The following RBMS3 variants were observed in gnomAD, a reference collection of about 807,000 sequenced individuals.
RBMS3 encodes the protein RNA-binding motif, single-stranded-interacting protein 3.
In RBMS3, 27 loss-of-function variants were observed where a neutral mutation model predicts 66.8. The ratio of observed to expected loss-of-function variants is 0.40; its 90% CI spans 0.30 to 0.56. RBMS3 has a LOEUF of 0.56. Ranked by LOEUF, RBMS3 falls within the 20% of genes least tolerant of loss-of-function variation. The pLI is 0.40. For synonymous variants in RBMS3, 188 were observed against 183.0 expected (o/e 1.03, Z -0.22); for missense variants, 513 against 549.5 (o/e 0.93, Z 0.66).
intron 4 of RBMS3, among the ~76,000 whole-genome samples, chr3:29,717,498 A>C (rs2053447852): frequency 6.6e-6 from 1 of 152,144 alleles, no homozygotes. Context: ...AACTGCTAGC[A>C]TTAAAATGAA....
chr3:29,428,164 A>C (rs1408347052), intron 1 of RBMS3, among the ~76,000 whole-genome samples: 1 of 152,128 alleles, frequency 6.6e-6, no homozygotes, highest in Admixed American at 6.6e-5. Flanking sequence ...TGGCCTTTCA[A>C]GAAGATGGTC....
intron 4 of RBMS3, among the ~76,000 whole-genome samples, chr3:29,719,688 G>T (rs1476368755): frequency 3.3e-5 from 5 of 152,096 alleles, no homozygotes. Flanking sequence ...AATAGTAGCT[G>T]TGGGCCAGGA....
chr3:29,480,060 G>A (rs944350028), intron 2 of RBMS3, among the ~76,000 whole-genome samples: 1 of 152,182 alleles, frequency 6.6e-6, no homozygotes, highest in African/African-American at 2.4e-5. Context: ...TGATCATTCA[G>A]CATACAAGGA....
At chr3:29,771,597 A>T (rs2581886) in intron 6 of RBMS3, among the ~76,000 whole-genome samples, 115,218 of 151,928 alleles carry the variant, frequency 0.76, 44,774 homozygotes, top group East Asian at 0.97. Context: ...GCTAATAAAC[A>T]GACCTTAAAA....
intron 4 of RBMS3, among the ~76,000 whole-genome samples, chr3:29,667,875 A>G (rs1471166144): frequency 6.6e-6 from 1 of 152,192 alleles, no homozygotes; most frequent in Non-Finnish European, 1.5e-5. Flanking sequence ...GTACAATTGT[A>G]ACACAAAACA....
At chr3:29,907,629 C>T (rs906911896) in intron 10 of RBMS3, among the ~76,000 whole-genome samples, 7 of 151,858 alleles carry the variant, frequency 4.6e-5, no homozygotes, top group East Asian at 3.9e-4. Context: ...AATATACTTC[C>T]GGATTATACT....
chr3:29,866,198 G>C (rs2059360976), intron 6 of RBMS3, among the ~76,000 whole-genome samples: 1 of 151,274 alleles, frequency 6.6e-6, no homozygotes, highest in African/African-American at 2.4e-5. Context: ...TCATTATCTT[G>C]ACAATGGTGA....
At chr3:29,944,504 A>G (rs188995197) in intron 12 of RBMS3, among the ~76,000 whole-genome samples, 1 of 151,776 alleles carries the variant, frequency 6.6e-6, no homozygotes, top group African/African-American at 2.4e-5. Flanking sequence ...TTATCTGTCA[A>G]GGATACACAG....
intron 1 of RBMS3, among the ~76,000 whole-genome samples, chr3:29,339,313 C>T (rs2036143009): frequency 6.6e-6 from 1 of 152,104 alleles, no homozygotes; most frequent in Admixed American, 6.6e-5. Flanking sequence ...ATCTTGGGGG[C>T]GGGAGCATTA....
chr3:29,547,727 A>G lies in RBMS3; in HGVS notation c.308-39387A>G, dbSNP rs181677706. 2.0e-5 allele frequency among the ~76,000 whole-genome samples: 3 copies of G among 152,012 alleles called. No homozygotes were observed. The East Asian group carries it at 5.8e-4, about 29-fold the overall frequency. On this transcript the variant is annotated intron_variant, in intron 3 of 14. Transcript: ENST00000383767. ...TTCATTTCTTAGTCCAAGTCTTCAG[A>G]GAATAGTCTGTACAGATCTGCTAGG...
chr3:29,362,802 G>A (rs1168241554), intron 1 of RBMS3, among the ~76,000 whole-genome samples: 3 of 152,188 alleles, frequency 2.0e-5, no homozygotes, highest in Non-Finnish European at 4.4e-5. Flanking sequence ...GACTATACTT[G>A]AGCTAATTAA....
intron 1 of RBMS3, among the ~76,000 whole-genome samples, chr3:29,367,551 A>G (rs958082913): frequency 6.6e-6 from 1 of 152,156 alleles, no homozygotes. Context: ...ATAATCAGAA[A>G]CACATAATAA....
chr3:29,486,055 C>T (rs1234352541), intron 2 of RBMS3, among the ~76,000 whole-genome samples: 1 of 151,976 alleles, frequency 6.6e-6, no homozygotes, highest in Non-Finnish European at 1.5e-5. Context: ...TACTAGTATA[C>T]TTTGATAAAA....
At chr3:29,986,761 G>A (rs1188020308) in intron 12 of RBMS3, among the ~76,000 whole-genome samples, 2 of 152,082 alleles carry the variant, frequency 1.3e-5, no homozygotes, top group Non-Finnish European at 2.9e-5. Context: ...TGGCCAATAT[G>A]GCAAAACCCT....
At chr3:29,868,810 T>C in intron 6 of RBMS3, 48 bp from the exon 7 acceptor site, 11 of 1,463,484 alleles carry the variant, frequency 7.5e-6, no homozygotes, top group Non-Finnish European at 1.0e-5. Context: ...AATCACTTAG[T>C]TTTTAAGGGG....
chr3:29,687,152 T>C (rs1367456983), intron 4 of RBMS3, among the ~76,000 whole-genome samples: 1 of 152,220 alleles, frequency 6.6e-6, no homozygotes, highest in Non-Finnish European at 1.5e-5. Flanking sequence ...GTCACACTTA[T>C]ACTTTTATGC....
chr3:29,598,845 T>A (rs1013905566), intron 4 of RBMS3, among the ~76,000 whole-genome samples: 4 of 152,084 alleles, frequency 2.6e-5, no homozygotes, highest in South Asian at 2.1e-4. Context: ...GATTTTTTTT[T>A]AAAAGGAACA....
At chr3:29,470,196 A>G (rs1040637596) in intron 2 of RBMS3, among the ~76,000 whole-genome samples, 3 of 151,846 alleles carry the variant, frequency 2.0e-5, no homozygotes, top group Admixed American at 1.3e-4. Flanking sequence ...TTTGCCTGTA[A>G]TGATGCGGAA....
chr3:29,444,623 G>A (rs1240710231), intron 2 of RBMS3, among the ~76,000 whole-genome samples: 1 of 151,788 alleles, frequency 6.6e-6, no homozygotes, highest in Non-Finnish European at 1.5e-5. Flanking sequence ...TACTTGCTGA[G>A]AAGTCAAGAA....
Sources: gnomAD v4.1 joint callset for allele counts (sites outside exome capture counted in the v4.1 genomes callset) on GRCh38, gnomAD v4.1.1 for gene constraint, MANE v1.5 for transcripts, NCBI Gene and HGNC (gene_info 2026-07-23, HGNC 2026-07-21) for gene names.